GNB4: variants seen among roughly 807,000 people sequenced by gnomAD.
GNB4 encodes the protein G protein subunit beta 4, also known as guanine nucleotide-binding protein subunit beta-4.
In GNB4, 28 loss-of-function variants were observed where a neutral mutation model predicts 45.2. That is an observed-to-expected ratio of 0.62 (90% CI 0.46 to 0.85). The LOEUF is 0.85. GNB4 is among the 40% of genes least tolerant of loss of function. The pLI is 0.00. For missense variants in GNB4, 321 were observed against 425.4 expected (o/e 0.75, Z 2.16); for synonymous variants, 132 against 143.7 (o/e 0.92, Z 0.58).
chr3:179,428,228 A>C (rs1159477796), intron 1 of GNB4, among the ~76,000 whole-genome samples: 8 of 152,258 alleles, frequency 5.3e-5, no homozygotes, highest in African/African-American at 1.9e-4. Context: ...ACAGTTCCAG[A>C]AGAACTAAAA....
the GNB4 span, among the ~76,000 whole-genome samples, chr3:179,492,366 A>T: frequency 1.3e-5 from 2 of 152,130 alleles, no homozygotes; most frequent in African/African-American, 2.4e-5. Flanking sequence ...TACACCACCC[A>T]TGAGGCTGGA....
the GNB4 span, among the ~76,000 whole-genome samples, chr3:179,490,893 CT>C: frequency 1.3e-5 from 2 of 152,216 alleles, no homozygotes; most frequent in East Asian, 3.9e-4. Context: ...AAACTGACAC[CT>C]AAAATTAACC....
At chr3:179,456,750 C>A in the GNB4 span, among the ~76,000 whole-genome samples, 908 of 152,252 alleles carry the variant, frequency 6.0e-3, 8 homozygotes, top group African/African-American at 0.021. Flanking sequence ...TGACTCTTGG[C>A]AATCATTGAT....
At chr3:179,422,059 G>A (rs1714997056) in intron 2 of GNB4, among the ~76,000 whole-genome samples, 1 of 152,038 alleles carries the variant, frequency 6.6e-6, no homozygotes, top group Non-Finnish European at 1.5e-5. Context: ...AAAAAACTGG[G>A]TTGAACACTA....
chr3:179,522,443 C>CGCTG, the GNB4 span, among the ~76,000 whole-genome samples: 2 of 152,318 alleles, frequency 1.3e-5, no homozygotes, highest in African/African-American at 4.8e-5. Flanking sequence ...ATTGCTCACA[C>CGCTG]AAAGCCTGTT....
the GNB4 span, among the ~76,000 whole-genome samples, chr3:179,504,729 G>A: frequency 6.6e-6 from 1 of 152,286 alleles, no homozygotes; most frequent in Non-Finnish European, 1.5e-5. Flanking sequence ...TCAGAATTCA[G>A]TGGTGGTAAA....
At chr3:179,412,587 C>G (rs1318674641) in intron 8 of GNB4, among the ~76,000 whole-genome samples, 1 of 152,154 alleles carries the variant, frequency 6.6e-6, no homozygotes, top group Non-Finnish European at 1.5e-5. Flanking sequence ...ATTTTAAAAA[C>G]TGAAGAATCT....
At chr3:179,475,495 A>G in the GNB4 span, among the ~76,000 whole-genome samples, 3 of 151,264 alleles carry the variant, frequency 2.0e-5, no homozygotes, top group African/African-American at 7.3e-5. Context: ...CTTTTTTGAG[A>G]CAGAGTCTCA....
rs1422199544 is a variant in GNB4 at position 179,413,413 on chromosome 3, C to G, written c.698G>C (p.Ser233Thr). The change falls in exon 8 of 10, where the codon AGT becomes ACT. Residue 233 changes from serine (S) to threonine (T), a missense_variant and splice_region_variant. Transcript: ENST00000232564. ...TCTCTAGAAATGCTATTCACTTACACTGACAGCATTGATATCTGAGACATG... is the reference window on the plus strand; with the variant it reads ...TCTCTAGAAATGCTATTCACTTACAGTGACAGCATTGATATCTGAGACATG... Reference protein sequence around the residue: ...TGHVSDINAVSFFPNGYAFAT... With the variant: ...TGHVSDINAVTFFPNGYAFAT... 1.9e-6 allele frequency: 3 copies of G among 1,609,078 alleles called. No homozygotes were observed. The East Asian group carries it at 6.7e-5, about 36-fold the overall frequency.
intron 9 of GNB4, among the ~76,000 whole-genome samples, 180 bp from the exon 10 acceptor site, chr3:179,401,499 T>A (rs2108575396): frequency 6.6e-6 from 1 of 152,344 alleles, no homozygotes; most frequent in African/African-American, 2.4e-5. Flanking sequence ...GAAGACAAGT[T>A]AGGAGTAAGC....
In GNB4 at chr3:179,414,897, G is replaced by A. The variant is rs755246825; in HGVS notation, c.418C>T (p.Pro140Ser). 3.8e-6 allele frequency: 6 copies of A among 1,584,446 alleles called. No individual in the cohort carries two copies. The highest frequency in any genetic ancestry group is 4.3e-6 in the Non-Finnish European group (5 of 1,159,098). The change falls in exon 6 of 10, where the codon CCA becomes TCA. Residue 140 changes from proline (P) to serine (S), a missense_variant. By Grantham distance (74) the Pro-to-Ser change is moderately conservative (BLOSUM62 -1). Transcript: ENST00000232564. The part of the protein sequence containing the change: ...EGNVRVSREL[P>S]GHTGYLSCCR... ...TAGGGAAGCTCACCTGTGTGACCTG[G>A]CAACTCTCGGCTTACTCTCACATTT...
At chr3:179,467,908 G>A in the GNB4 span, among the ~76,000 whole-genome samples, 3 of 151,634 alleles carry the variant, frequency 2.0e-5, no homozygotes, top group Non-Finnish European at 4.4e-5. Context: ...TTGTTCATGT[G>A]AATGGGAGTT....
the GNB4 span, among the ~76,000 whole-genome samples, chr3:179,492,127 C>CT: frequency 1.3e-5 from 2 of 152,190 alleles, no homozygotes; most frequent in African/African-American, 4.8e-5. Flanking sequence ...AAGAGTGATA[C>CT]TCTCTGAGAG....
chr3:179,407,814 G>A (rs982400349), intron 8 of GNB4, among the ~76,000 whole-genome samples: 2 of 152,192 alleles, frequency 1.3e-5, no homozygotes, highest in Admixed American at 6.5e-5. Flanking sequence ...ACCCTGGTGT[G>A]TACATAGGAC....
At chr3:179,470,891 T>TA in the GNB4 span, among the ~76,000 whole-genome samples, 1 of 152,162 alleles carries the variant, frequency 6.6e-6, no homozygotes, top group Non-Finnish European at 1.5e-5. Context: ...GTAAAAAAGT[T>TA]ACAGTAGGCC....
chr3:179,422,235 T>G (rs961231755), intron 2 of GNB4, among the ~76,000 whole-genome samples: 1 of 152,204 alleles, frequency 6.6e-6, no homozygotes, highest in Non-Finnish European at 1.5e-5. Context: ...ACAAGAATTC[T>G]ACAAATATGT....
chr3:179,456,107 CTTTTTTTTTTTT>C (rs10603569), upstream of GNB4, among the ~76,000 whole-genome samples: 1 of 122,624 alleles, frequency 8.2e-6, no homozygotes, highest in Non-Finnish European at 1.7e-5. Context: ...GGGACATAGA[CTTTTTTTTTTTT>C]TTTTTTTTTT....
the GNB4 span, among the ~76,000 whole-genome samples, chr3:179,511,295 C>A: frequency 2.0e-5 from 3 of 152,178 alleles, no homozygotes; most frequent in Admixed American, 6.5e-5. Context: ...ATAAGGGCAC[C>A]ATGTGTGTTT....
intron 2 of GNB4, among the ~76,000 whole-genome samples, chr3:179,422,097 T>A (rs996243882): frequency 4.6e-5 from 7 of 152,190 alleles, no homozygotes; most frequent in African/African-American, 1.7e-4. Context: ...TAGGCACCAA[T>A]AGGCGTCAAA....
Sources: allele counts gnomAD v4.1 joint callset (sites outside exome capture counted in the v4.1 genomes callset), GRCh38; gene constraint gnomAD v4.1.1; transcripts MANE v1.5; gene names NCBI Gene and HGNC (gene_info 2026-07-23, HGNC 2026-07-21).